The following JAK3 variants were observed in gnomAD, a reference collection of about 807,000 sequenced individuals.
JAK3 encodes the protein tyrosine-protein kinase JAK3.
Under a neutral mutation model 120.8 loss-of-function variants are expected in JAK3, and 88 were observed. The observed-to-expected ratio is 0.73, with a 90% CI of 0.61 to 0.87. The LOEUF is 0.87. Ranked by LOEUF, JAK3 falls within the 40% of genes least tolerant of loss-of-function variation. The pLI is 0.00. For missense variants in JAK3, 1,254 were observed against 1,501.4 expected (o/e 0.84, Z 2.72); for synonymous variants, 592 against 628.6 (o/e 0.94, Z 0.87).
In JAK3 at chr19:17,831,221, T is replaced by G. The variant is rs1327826496; in HGVS notation, c.2978+7A>C. ...ATAGGGGCGGAGCCTAGGCGCGGGT[T>G]CCCCACCAGAAAATGGGGCTCTGGC... On this transcript the variant is annotated splice_region_variant and intron_variant, in intron 21 of 23. Coordinates refer to ENST00000458235, the MANE Select transcript of JAK3 (RefSeq NM_000215.4). This position sits in a 1 kb window ranked among gnomAD's most constrained non-coding sequence, Gnocchi z 5.1. 1.2e-6 allele frequency: 2 copies of G among 1,611,418 alleles called. No individual in the cohort carries two copies. Among genetic ancestry groups the G allele is most frequent in the Non-Finnish European group, 1.7e-6 (2 of 1,179,414 alleles).
chr19:17,835,089 G>C lies in JAK3; in HGVS notation c.2041C>G (p.Leu681Val), dbSNP rs2147682743. Residue 681 changes from leucine (L) to valine (V), a missense_variant, in exon 15 of 24, where the codon CTG (leucine) becomes GTG (valine). By Grantham distance (32) the Leu-to-Val change is conservative. Coordinates refer to ENST00000458235, the MANE Select transcript of JAK3 (RefSeq NM_000215.4). ...TCCACCTCCAGGAACTTACTCTCCAGGCTTAACACAGCGGGGCTGACCCCA... is the reference window on the plus strand; with the variant it reads ...TCCACCTCCAGGAACTTACTCTCCACGCTTAACACAGCGGGGCTGACCCCA... ...DPGVSPAVLS[L>V]EMLTDRIPWV... is the part of the protein sequence containing the mutation. 1.2e-6 allele frequency: 2 copies of C among 1,614,166 alleles called. No homozygotes were observed. Among genetic ancestry groups the C allele is most frequent in the Non-Finnish European group, 1.7e-6 (2 of 1,180,026 alleles).
chr19:17,826,849 G>T lies in JAK3; in HGVS notation c.3269C>A (p.Ala1090Asp), dbSNP rs774621426. 8 of 1,613,994 alleles carry T rather than the reference G, an allele frequency of 5.0e-6. No individual in the cohort carries two copies. In the East Asian group the frequency reaches 1.3e-4, roughly 27 times the overall value. Reference sequence around the variant, plus strand: ...CAGCATGTCCAGCTGGGGGCCCAGGGCGCTGAATGATGGCCGGTCCTGTGG... The same window carrying T: ...CAGCATGTCCAGCTGGGGGCCCAGGTCGCTGAATGATGGCCGGTCCTGTGG... ...PSPQDRPSFS[A>D]LGPQLDMLWS... The change falls in exon 24 of 24, where the codon GCC becomes GAC. Residue 1090 changes from alanine (A) to aspartate (D), a missense_variant. Ala to Asp is a moderately radical substitution (Grantham distance 126). Transcript: ENST00000458235.
At chr19:17,828,614 C>T (rs2094208430) in intron 23 of JAK3, among the ~76,000 whole-genome samples, 1 of 151,978 alleles carries the variant, frequency 6.6e-6, no homozygotes, top group Non-Finnish European at 1.5e-5. Context: ...GTCTTGAACT[C>T]CTGGGCTCCA....
chr19:17,846,568 CA>C (rs2094252612), intron 1 of JAK3, among the ~76,000 whole-genome samples: 1 of 152,108 alleles, frequency 6.6e-6, no homozygotes, highest in African/African-American at 2.4e-5. Context: ...CAACATCAGC[CA>C]ATCAAGTTTT....
Position 17,842,257 on chromosome 19 carries a change from G to GCC in JAK3, c.861+57_861+58dup. 7.0e-7 allele frequency: 1 copy of GCC among 1,424,412 alleles called. No individual in the cohort carries two copies. Among genetic ancestry groups the GCC allele is most frequent in the South Asian group, 1.4e-5 (1 of 70,488 alleles). The allele number at this position is 1,424,412 out of a possible 1,614,324, so 88.2% of individuals were successfully genotyped here. A position where few individuals can be genotyped will look rare whatever the true frequency, so the allele number is the denominator to read the frequency against. On this transcript the variant is annotated intron_variant, in intron 6 of 23. Transcript: ENST00000458235. The surrounding 1 kb of genome is among the most constrained non-coding windows in gnomAD (Gnocchi z 6.4). ...GCCCCACATCCCCTACCACTCTCCGGCCCCTCCCCGAGCCCCGCCCCCACG... is the reference window on the plus strand; with the variant it reads ...GCCCCACATCCCCTACCACTCTCCGGCCCCCCTCCCCGAGCCCCGCCCCCACG...
Position 17,831,099 on chromosome 19 carries a change from C to T in JAK3, c.2978+129G>A. 2.1e-6 allele frequency: 2 copies of T among 946,940 alleles called. No homozygotes were observed. Among genetic ancestry groups the T allele is most frequent in the Non-Finnish European group, 3.1e-6 (2 of 654,792 alleles). 58.7% of individuals were successfully genotyped at this position (946,940 alleles called of 1,614,324 possible). On this transcript the variant is annotated intron_variant, in intron 21 of 23. Coordinates refer to ENST00000458235, the MANE Select transcript of JAK3 (RefSeq NM_000215.4). This position sits in a 1 kb window ranked among gnomAD's most constrained non-coding sequence, Gnocchi z 5.1. The stretch of plus-strand genomic sequence containing the variant: ...CGGGGCTCTGGGGAGTGGGAGGGGC[C>T]AAAGCTGCAGCGGAGGAAGGGCGGG...
At chr19:17,829,958 G>C (rs539067277) in intron 23 of JAK3, 150 bp downstream of exon 23, 564 of 697,066 alleles carry the variant, frequency 8.1e-4, no homozygotes, top group Non-Finnish European at 1.3e-3. Flanking sequence ...GCCACACAGT[G>C]AGAGAGTAGC....
intron 14 of JAK3, 96 bp downstream of exon 14, chr19:17,835,828 T>G: frequency 6.6e-7 from 1 of 1,523,502 alleles, no homozygotes; most frequent in East Asian, 2.3e-5. Context: ...CTTACCAAAC[T>G]CCTATGCATA....
chr19:17,844,467 C>G (rs1398197624), intron 1 of JAK3, 37 bp from the exon 2 acceptor site: 1 of 1,557,500 alleles, frequency 6.4e-7, no homozygotes, highest in Non-Finnish European at 8.7e-7. Context: ...CAGTCCTGGT[C>G]AGAGGGGATT....
intron 23 of JAK3, 72 bp from the exon 24 acceptor site, chr19:17,826,982 T>A: frequency 6.5e-7 from 1 of 1,531,508 alleles, no homozygotes; most frequent in Non-Finnish European, 8.8e-7. Flanking sequence ...TTCAGCGTAT[T>A]TGTTTTTGTT....
In JAK3 at chr19:17,837,961, T is replaced by G. The variant is rs200993230; in HGVS notation, c.1672A>C (p.Met558Leu). The change falls in exon 12 of 24, where the codon ATG becomes CTG. Residue 558 changes from methionine to leucine, a missense_variant. Around this residue, in one of 3 missense-constraint regions of JAK3, gnomAD observed 630 missense variants for 819.8 expected, o/e 0.77. Transcript: ENST00000458235. ...ATGCAGTTCTTGTGCTTGGCATCCA[T>G]GACCTTCAGCAGCACCTCTGTCTTT... Reference protein sequence around the residue: ...ARKTEVLLKVMDAKHKNCMES... With the variant: ...ARKTEVLLKVLDAKHKNCMES... The G allele has an allele frequency of 1.2e-6, 2 of 1,614,004 alleles. No homozygotes were observed. Among genetic ancestry groups the G allele is most frequent in the African/African-American group, 2.7e-5 (2 of 74,916 alleles).
Position 17,843,249 on chromosome 19 carries a change from A to G in JAK3, c.421-77T>C, listed in dbSNP as rs139305043. 2.8e-5 allele frequency: 43 copies of G among 1,544,938 alleles called. No homozygotes were observed. In the East Asian group the frequency reaches 1.0e-3, roughly 37 times the overall value. On this transcript the variant is annotated intron_variant, in intron 4 of 23. Coordinates refer to ENST00000458235, the MANE Select transcript of JAK3 (RefSeq NM_000215.4). The surrounding 1 kb of genome is among the most constrained non-coding windows in gnomAD (Gnocchi z 5.4). ...TGTTGTTAACCTGCAGACCCCCCCA[A>G]TCCTGGGCTGACCCCCACCCCTGGA...
At chr19:17,835,861 C>T in intron 14 of JAK3, 63 bp downstream of exon 14, 1 of 1,606,438 alleles carries the variant, frequency 6.2e-7, no homozygotes, top group Non-Finnish European at 8.5e-7. Flanking sequence ...CTCCCAATTC[C>T]TCTTCCACCC....
At chr19:17,833,912 A>G (rs1914407359) in intron 17 of JAK3, among the ~76,000 whole-genome samples, 1 of 151,838 alleles carries the variant, frequency 6.6e-6, no homozygotes, top group South Asian at 2.1e-4. Context: ...ATGCCTGGCT[A>G]ATTTTCTGTT....
chr19:17,842,583 C>G lies in JAK3; in HGVS notation c.594G>C (p.Leu198=). 1.3e-6 allele frequency: 2 copies of G among 1,585,644 alleles called. No individual in the cohort carries two copies. Among genetic ancestry groups the G allele is most frequent in the Non-Finnish European group, 1.7e-6 (2 of 1,165,726 alleles). The change falls in exon 6 of 24, where the codon CTG becomes CTC. Residue 198 remains leucine (L), a synonymous_variant. Transcript: ENST00000458235. This position sits in a 1 kb window ranked among gnomAD's most constrained non-coding sequence, Gnocchi z 6.4. ...VSYKACLPPS[L]RDLIQGLSFV... ...AGCTCAGGCCCTGGATCAGGTCGCGCAGGCTTGGGGGTAGGCAGGCCTTGT... is the reference window on the plus strand; with the variant it reads ...AGCTCAGGCCCTGGATCAGGTCGCGGAGGCTTGGGGGTAGGCAGGCCTTGT...
At chr19:17,836,983 T>A (rs2094225500) in intron 13 of JAK3, 146 bp downstream of exon 13, 1 of 685,852 alleles carries the variant, frequency 1.5e-6, no homozygotes, top group East Asian at 2.7e-5. Flanking sequence ...TGGAGAGACA[T>A]AAATAAAGGG....
At chr19:17,829,977 G>C in intron 23 of JAK3, 131 bp downstream of exon 23, 1 of 728,794 alleles carries the variant, frequency 1.4e-6, no homozygotes, top group South Asian at 1.5e-5. Context: ...GCCAAGTGGG[G>C]GCCAGGATCC....
intron 22 of JAK3, 94 bp downstream of exon 22, chr19:17,830,409 T>C: frequency 1.9e-6 from 2 of 1,075,974 alleles, no homozygotes; most frequent in South Asian, 1.3e-5. Context: ...GGTGACCCCA[T>C]GCTAAAGAGG....
At chr19:17,838,739 A>AGAG (rs1347229850) in intron 10 of JAK3, among the ~76,000 whole-genome samples, 8 of 120,898 alleles carry the variant, frequency 6.6e-5, no homozygotes, top group Middle Eastern at 5.1e-3. Flanking sequence ...TTTTTGAGAC[A>AGAG]GAGTCTCGCT....
Sources: allele counts gnomAD v4.1 joint callset (sites outside exome capture counted in the v4.1 genomes callset), GRCh38; gene constraint gnomAD v4.1.1; regional missense constraint gnomAD v4.1.1; non-coding constraint Gnocchi (gnomAD v3.1); transcripts MANE v1.5; gene names NCBI Gene and HGNC (gene_info 2026-07-23, HGNC 2026-07-21).